Variants in GCNT2 observed in about 807,000 individuals in gnomAD.
GCNT2 encodes the protein N-acetyllactosaminide beta-1,6-N-acetylglucosaminyl-transferase.
In GCNT2, 34 loss-of-function variants were observed where a neutral mutation model predicts 34.2. The ratio of observed to expected loss-of-function variants is 1.00; its 90% confidence interval spans 0.76 to 1.32. The LOEUF (loss-of-function observed/expected upper bound fraction) is 1.32. Ranked by LOEUF, GCNT2 falls within the 40% of genes most tolerant of loss-of-function variation. GCNT2 has a pLI of 0.00. For missense variants in GCNT2, 584 were observed against 489.4 expected (o/e 1.19, Z -1.82); for synonymous variants, 212 against 188.0 (o/e 1.13, Z -1.04).
chr6:10,576,955 C>T (rs1425029141), intron 3 of GCNT2, among the ~76,000 whole-genome samples: 1 of 152,110 alleles, frequency 6.6e-6, no homozygotes, highest in Non-Finnish European at 1.5e-5. Context: ...AGCCAAGTGC[C>T]TGTAGTCTCA....
At chr6:10,570,617 A>C (rs899653863) in intron 3 of GCNT2, among the ~76,000 whole-genome samples, 1 of 152,180 alleles carries the variant, frequency 6.6e-6, no homozygotes, top group African/African-American at 2.4e-5. Context: ...CAATCTTCAC[A>C]TAACTCTTCC....
intron 3 of GCNT2, among the ~76,000 whole-genome samples, chr6:10,587,668 G>C (rs971928197): frequency 6.6e-6 from 1 of 152,204 alleles, no homozygotes; most frequent in African/African-American, 2.4e-5. Context: ...TTGGGAAAGC[G>C]TCCAAGGTAT....
intron 3 of GCNT2, among the ~76,000 whole-genome samples, chr6:10,584,761 A>G (rs1437089871): frequency 6.6e-6 from 1 of 152,202 alleles, no homozygotes; most frequent in African/African-American, 2.4e-5. Context: ...CCTTGATTCA[A>G]TACAGCACAT....
In GCNT2 at chr6:10,528,886, A is replaced by G. The variant is rs79945859; in HGVS notation, c.-26A>G. 1.3e-6 allele frequency: 2 copies of G among 1,540,258 alleles called. No homozygotes were observed. Among genetic ancestry groups the G allele is most frequent in the African/African-American group, 1.4e-5 (1 of 73,612 alleles). On this transcript the variant is annotated 5_prime_UTR_variant, in exon 3 of 5. Transcript: ENST00000495262. ...ACTCTGATCCTATCTCAAGAGAGAG[A>G]TATTTTACTCATTTCCTGGTTGTGA...
chr6:10,539,737 CAAA>C (rs1268906896), intron 3 of GCNT2, among the ~76,000 whole-genome samples: 1 of 152,122 alleles, frequency 6.6e-6, no homozygotes, highest in Non-Finnish European at 1.5e-5. Flanking sequence ...AAACAAAAAA[CAAA>C]ACCTTCTAAC....
At chr6:10,618,439 G>GT (rs1424310359) in intron 3 of GCNT2, among the ~76,000 whole-genome samples, 1 of 152,178 alleles carries the variant, frequency 6.6e-6, no homozygotes, top group Non-Finnish European at 1.5e-5. Flanking sequence ...CTGTTTCTGA[G>GT]TAAGAGTCAG....
intron 3 of GCNT2, among the ~76,000 whole-genome samples, chr6:10,583,499 C>T (rs1157084665): frequency 6.6e-6 from 1 of 152,066 alleles, no homozygotes; most frequent in African/African-American, 2.4e-5. Flanking sequence ...GTGTCCTTAC[C>T]GTCCGCATCA....
chr6:10,621,455 G>T lies in GCNT2; in HGVS notation c.1018+12G>T. ...CGGAGGCTGCCACGGTGAGGCTCTCGTTCCATGCTTCTAGGCCACTGCCTG... is the reference window on the plus strand; with the variant it reads ...CGGAGGCTGCCACGGTGAGGCTCTCTTTCCATGCTTCTAGGCCACTGCCTG... On this transcript the variant is annotated intron_variant, in intron 4 of 4. Coordinates refer to ENST00000495262, the MANE Select transcript of GCNT2 (RefSeq NM_145649.5). The T allele has an allele frequency of 6.4e-7, 1 of 1,560,386 alleles. No individual in the cohort carries two copies.
At chr6:10,530,000 GTTAT>G in intron 3 of GCNT2, 164 bp downstream of exon 3, 1 of 635,232 alleles carries the variant, frequency 1.6e-6, no homozygotes, top group Non-Finnish European at 2.8e-6. Context: ...ATGGAGATGT[GTTAT>G]ATCACCCACT....
At chr6:10,582,253 A>G (rs1236014502) in intron 3 of GCNT2, among the ~76,000 whole-genome samples, 1 of 120,728 alleles carries the variant, frequency 8.3e-6, no homozygotes, top group Non-Finnish European at 1.6e-5. Context: ...AAATATATAT[A>G]ATATATACTA....
At chr6:10,615,189 C>T (rs1276566449) in intron 3 of GCNT2, among the ~76,000 whole-genome samples, 1 of 152,180 alleles carries the variant, frequency 6.6e-6, no homozygotes, top group Non-Finnish European at 1.5e-5. Flanking sequence ...CTCCCCAGGA[C>T]AAGCTGCATC....
chr6:10,563,768 AAAAAAAAAAATAT>A lies in GCNT2; in HGVS notation c.925+33934_925+33946del, dbSNP rs1403442740. 1.7e-3 allele frequency among the ~76,000 whole-genome samples: 129 copies of A among 74,658 alleles called. 1 individual carries two copies. The highest frequency in any genetic ancestry group is 5.0e-3 in the South Asian group (11 of 2,200). 49.0% of individuals were successfully genotyped at this position (74,658 alleles called of 152,430 possible). On this transcript the variant is annotated intron_variant, in intron 3 of 4. Transcript: ENST00000495262. ...AAAAAAGAAAAAAGAAAAAAAAAAA[AAAAAAAAAAATAT>A]ATATATATATATATATATATATATA...
At chr6:10,544,330 C>G (rs1381695521) in intron 3 of GCNT2, among the ~76,000 whole-genome samples, 2 of 146,542 alleles carry the variant, frequency 1.4e-5, no homozygotes, top group Non-Finnish European at 3.0e-5. Context: ...AAATAGGCAA[C>G]ACGGTGGCTC....
At chr6:10,541,255 A>C (rs774310084) in intron 3 of GCNT2, among the ~76,000 whole-genome samples, 2 of 152,176 alleles carry the variant, frequency 1.3e-5, no homozygotes, top group Non-Finnish European at 2.9e-5. Context: ...GTATGAGAAC[A>C]TGCGGTGTTT....
intron 3 of GCNT2, among the ~76,000 whole-genome samples, chr6:10,617,138 C>T (rs867159060): frequency 8.5e-5 from 13 of 152,260 alleles, no homozygotes; most frequent in Middle Eastern, 6.8e-3. Flanking sequence ...GCTCTGGCCG[C>T]GCAGGAGCCC....
At chr6:10,605,523 T>C (rs983436834) in intron 3 of GCNT2, among the ~76,000 whole-genome samples, 1 of 151,880 alleles carries the variant, frequency 6.6e-6, no homozygotes, top group Non-Finnish European at 1.5e-5. Context: ...TAGGATATTT[T>C]AAAAAAATAC....
intron 3 of GCNT2, chr6:10,585,983 G>A (rs1764324617): frequency 1.9e-6 from 3 of 1,613,710 alleles, no homozygotes; most frequent in African/African-American, 2.7e-5. Context: ...CCAGGGAAGT[G>A]AAAATAATGA....
intron 3 of GCNT2, chr6:10,574,868 CTT>C (rs1763728805): frequency 1.4e-6 from 1 of 695,908 alleles, no homozygotes; most frequent in African/African-American, 1.8e-5. Flanking sequence ...GCACCTTTCT[CTT>C]TGTCTTCTTT....
intron 3 of GCNT2, chr6:10,556,702 T>G (rs749080371): frequency 6.2e-7 from 1 of 1,614,190 alleles, no homozygotes. Flanking sequence ...AAGCTGACTT[T>G]CCCTTGGCAT....
Sources: allele counts gnomAD v4.1 joint callset (sites outside exome capture counted in the v4.1 genomes callset), GRCh38; gene constraint gnomAD v4.1.1; transcripts MANE v1.5; gene names NCBI Gene and HGNC (gene_info 2026-07-23, HGNC 2026-07-21).